PTPRO: variants seen among roughly 807,000 people sequenced by gnomAD.
The protein encoded by PTPRO is protein tyrosine phosphatase receptor type O.
Under a neutral mutation model 145.2 loss-of-function variants are expected in PTPRO, and 62 were observed. The observed-to-expected ratio is 0.43, with a 90% CI of 0.35 to 0.53. PTPRO has a LOEUF of 0.53. Ranked by LOEUF, PTPRO falls within the 20% of genes least tolerant of loss-of-function variation. The pLI, the probability that PTPRO is intolerant of heterozygous loss-of-function variation, is 0.01. For synonymous variants in PTPRO, 565 were observed against 514.7 expected (o/e 1.10, Z -1.32); for missense variants, 1,345 against 1,482.7 (o/e 0.91, Z 1.53).
intron 16 of PTPRO, 113 bp from the exon 17 acceptor site, chr12:15,560,080 C>A: frequency 1.3e-6 from 1 of 786,222 alleles, no homozygotes; most frequent in Non-Finnish European, 2.2e-6. Flanking sequence ...AATTAAGGTG[C>A]TTGTCATATT....
intron 1 of PTPRO, among the ~76,000 whole-genome samples, chr12:15,392,216 C>A (rs61908002): frequency 1.4e-3 from 209 of 152,274 alleles, no homozygotes; most frequent in Non-Finnish European, 2.2e-3. Flanking sequence ...ATGATATTAG[C>A]AGTGACCCCA....
At chr12:15,538,469 C>T (rs182396497) in intron 12 of PTPRO, among the ~76,000 whole-genome samples, 24 of 152,282 alleles carry the variant, frequency 1.6e-4, no homozygotes, top group Non-Finnish European at 1.8e-4. Context: ...TTGATCTGCC[C>T]GCAAGTGCCT....
intron 1 of PTPRO, among the ~76,000 whole-genome samples, chr12:15,345,318 T>C (rs1867163422): frequency 1.3e-5 from 2 of 152,202 alleles, no homozygotes. Context: ...CGTGTGTTTA[T>C]TGTGGCACTG....
chr12:15,499,393 T>C (rs375918080), intron 3 of PTPRO, 49 bp from the exon 4 acceptor site: 74 of 1,556,636 alleles, frequency 4.8e-5, no homozygotes, highest in Non-Finnish European at 6.3e-5. Flanking sequence ...CAGAAGTGTG[T>C]GATGTTTAGA....
intron 1 of PTPRO, among the ~76,000 whole-genome samples, chr12:15,386,921 C>T (rs1939046300): frequency 6.6e-6 from 1 of 152,176 alleles, no homozygotes; most frequent in African/African-American, 2.4e-5. Flanking sequence ...GCAGAAATAG[C>T]TATGCCTTCT....
At chr12:15,479,340 A>G (rs987754222) in intron 1 of PTPRO, among the ~76,000 whole-genome samples, 1 of 152,206 alleles carries the variant, frequency 6.6e-6, no homozygotes, top group Non-Finnish European at 1.5e-5. Context: ...GGGAGAATTG[A>G]TAGCACCTCA....
At chr12:15,473,544 C>T (rs1011005408) in intron 1 of PTPRO, among the ~76,000 whole-genome samples, 1 of 151,922 alleles carries the variant, frequency 6.6e-6, no homozygotes, top group African/African-American at 2.4e-5. Flanking sequence ...GGCGCACAGA[C>T]CACCTGAGGT....
chr12:15,535,267 G>C (rs990912400), intron 12 of PTPRO, among the ~76,000 whole-genome samples: 1 of 152,158 alleles, frequency 6.6e-6, no homozygotes, highest in African/African-American at 2.4e-5. Flanking sequence ...AAATTTGGAA[G>C]TGTCTGGATG....
intron 1 of PTPRO, among the ~76,000 whole-genome samples, chr12:15,395,398 G>T (rs1591772498): frequency 6.6e-6 from 1 of 152,134 alleles, no homozygotes; most frequent in East Asian, 1.9e-4. Flanking sequence ...TTAGGATTGG[G>T]ATGGTATTAA....
At chr12:15,475,261 A>G (rs1941629358) in intron 1 of PTPRO, among the ~76,000 whole-genome samples, 1 of 152,332 alleles carries the variant, frequency 6.6e-6, no homozygotes, top group South Asian at 2.1e-4. Flanking sequence ...TTATGAACTT[A>G]TTGTTTTCTG....
chr12:15,430,024 G>C (rs1419424893), intron 1 of PTPRO, among the ~76,000 whole-genome samples: 1 of 151,886 alleles, frequency 6.6e-6, no homozygotes, highest in African/African-American at 2.4e-5. Flanking sequence ...GTTGATTTTT[G>C]GTTTGATTTA....
At chr12:15,372,275 ACC>A (rs1482735146) in intron 1 of PTPRO, among the ~76,000 whole-genome samples, 2 of 152,152 alleles carry the variant, frequency 1.3e-5, no homozygotes, top group Non-Finnish European at 2.9e-5. Flanking sequence ...ATATTTGATT[ACC>A]ATGAATCTTG....
chr12:15,557,401 C>T (rs945242367), intron 15 of PTPRO, 54 bp from the exon 16 acceptor site: 21 of 1,453,406 alleles, frequency 1.4e-5, no homozygotes, highest in South Asian at 1.0e-4. Context: ...TTTAGGTCAA[C>T]GTAAGAATGC....
At chr12:15,356,646 A>G (rs1261199765) in intron 1 of PTPRO, among the ~76,000 whole-genome samples, 2 of 152,100 alleles carry the variant, frequency 1.3e-5, no homozygotes, top group African/African-American at 4.8e-5. Context: ...CAGAATGTTC[A>G]TTGGGCTTTC....
Position 15,352,699 on chromosome 12 carries a change from G to A in PTPRO, c.75+29898G>A, listed in dbSNP as rs904207953. 2.6e-5 allele frequency among the ~76,000 whole-genome samples: 4 copies of A among 151,796 alleles called. No homozygotes were observed. The East Asian group carries it at 5.8e-4, about 22-fold the overall frequency. On this transcript the variant is annotated intron_variant, in intron 1 of 26. Transcript: ENST00000281171. Reference sequence around the variant, plus strand: ...AAAGAAAGAAATGGGAAAGTTCTAGGGAAATGGGTCTTCTGCCATTGTGAA... The same window carrying A: ...AAAGAAAGAAATGGGAAAGTTCTAGAGAAATGGGTCTTCTGCCATTGTGAA...
chr12:15,553,656 T>C (rs1943534819), intron 15 of PTPRO, among the ~76,000 whole-genome samples: 1 of 152,188 alleles, frequency 6.6e-6, no homozygotes, highest in Non-Finnish European at 1.5e-5. Context: ...TGAGCAGGCA[T>C]TGCAGGCTCT....
At chr12:15,328,322 G>C (rs1042895241) in intron 1 of PTPRO, among the ~76,000 whole-genome samples, 5 of 152,020 alleles carry the variant, frequency 3.3e-5, no homozygotes, top group African/African-American at 1.2e-4. Flanking sequence ...TGCCAGAAAA[G>C]CGTTCGCAAG....
At chr12:15,335,521 T>C (rs1866734278) in intron 1 of PTPRO, among the ~76,000 whole-genome samples, 1 of 152,152 alleles carries the variant, frequency 6.6e-6, no homozygotes, top group Admixed American at 6.5e-5. Flanking sequence ...ATTATACTTT[T>C]TAATTAGTCT....
At chr12:15,554,471 T>C (rs1943564081) in intron 15 of PTPRO, among the ~76,000 whole-genome samples, 1 of 151,844 alleles carries the variant, frequency 6.6e-6, no homozygotes, top group Non-Finnish European at 1.5e-5. Flanking sequence ...ATATGGGAGT[T>C]TATTAAGTAT....
Sources: allele counts gnomAD v4.1 joint callset (sites outside exome capture counted in the v4.1 genomes callset), GRCh38; gene constraint gnomAD v4.1.1; transcripts MANE v1.5; gene names NCBI Gene and HGNC (gene_info 2026-07-23, HGNC 2026-07-21).